The following CDH20 variants were observed in gnomAD, a reference collection of about 807,000 sequenced individuals.
The protein encoded by CDH20 is cadherin 20, also known as cadherin-20.
A neutral mutation model predicts 74.2 loss-of-function variants in CDH20; 29 were observed. The ratio of observed to expected loss-of-function variants is 0.39; its 90% CI spans 0.29 to 0.53. CDH20 has a LOEUF of 0.53. Among genes scored for constraint, CDH20 ranks in the 20% least tolerant of loss-of-function variants. CDH20 has a pLI of 0.69. For synonymous variants in CDH20, 469 were observed against 405.4 expected (o/e 1.16, Z -1.88); for missense variants, 988 against 1,048.3 (o/e 0.94, Z 0.79).
chr18:61,357,811 G>A (rs796987971), intron 1 of CDH20, among the ~76,000 whole-genome samples: 1 of 152,058 alleles, frequency 6.6e-6, no homozygotes, highest in South Asian at 2.1e-4. Context: ...AAGAGGGTAA[G>A]CAACTGGCAC....
chr18:61,400,116 G>A (rs1338739965), intron 1 of CDH20, among the ~76,000 whole-genome samples: 2 of 152,212 alleles, frequency 1.3e-5, no homozygotes, highest in South Asian at 2.1e-4. Flanking sequence ...GGAGCTGAAT[G>A]TGTTGCTGTA....
At chr18:61,435,156 A>G (rs1251539843) in intron 1 of CDH20, among the ~76,000 whole-genome samples, 1 of 152,070 alleles carries the variant, frequency 6.6e-6, no homozygotes, top group African/African-American at 2.4e-5. Flanking sequence ...ATTTCAGGGG[A>G]AAAAGAGTTA....
chr18:61,496,200 TC>T (rs1220272241), intron 2 of CDH20, among the ~76,000 whole-genome samples: 9 of 39,536 alleles, frequency 2.3e-4, no homozygotes, highest in Non-Finnish European at 4.0e-4. Context: ...TCCCTTCCTC[TC>T]CCCCCTCTAT....
rs1474870328 is a variant in CDH20, at chr18:61,554,907, A to T, written c.*212A>T. 3.6e-6 allele frequency: 5 copies of T among 1,375,766 alleles called. No individual in the cohort carries two copies. The highest frequency in any genetic ancestry group is 1.9e-6 in the Non-Finnish European group (2 of 1,066,576). 85.2% of individuals were successfully genotyped at this position (1,375,766 alleles called of 1,614,324 possible). On this transcript the variant is annotated 3_prime_UTR_variant, in exon 12 of 12. Transcript: ENST00000262717. The stretch of plus-strand genomic sequence containing the variant: ...CAGAAGGAAGAGGGCAGAATCTTTA[A>T]TTACCTTTTTTTCTTTTCTTTTTGA...
rs762120258 is a variant in CDH20, at chr18:61,550,181, A to G, written c.1852A>G (p.Ser618Gly). Residue 618 changes from serine to glycine, a missense_variant, in exon 11 of 12, where the codon AGC (serine) becomes GGC (glycine). Ser to Gly is a moderately conservative substitution (Grantham distance 56). Transcript: ENST00000262717. ...PEAYMLPVSL[S>G]RGALIAILAC... ...GGCCTACATGCTCCCAGTCAGTTTG[A>G]GCCGGGGCGCCCTCATTGCCATCCT... The G allele has an allele frequency of 6.2e-7, 1 of 1,614,074 alleles. No individual in the cohort carries two copies. Among genetic ancestry groups the G allele is most frequent in the East Asian group, 2.2e-5 (1 of 44,878 alleles).
rs561100203 is a variant in CDH20 at position 61,555,352 on chromosome 18, T to C, written c.*657T>C. 6 of 985,524 alleles carry C rather than the reference T, an allele frequency of 6.1e-6. No individual in the cohort carries two copies. The highest frequency in any genetic ancestry group is 1.1e-4 in the East Asian group (1 of 8,802). The allele number at this position is 985,524 out of a possible 1,614,324, so 61.0% of individuals were successfully genotyped here. ...AGTTTAGTGGCTGAACCAAGAGATG[T>C]TGGCATTACAGCTCATCCAACGCCA... On this transcript the variant is annotated 3_prime_UTR_variant, in exon 12 of 12. Transcript: ENST00000262717.
chr18:61,526,684 T>C (rs1378937114), intron 6 of CDH20, among the ~76,000 whole-genome samples: 4 of 152,080 alleles, frequency 2.6e-5, no homozygotes, highest in African/African-American at 9.7e-5. Flanking sequence ...TGGAGCACTG[T>C]ATTTATTTTG....
At chr18:61,438,919 G>C (rs187587934) in intron 1 of CDH20, among the ~76,000 whole-genome samples, 1 of 152,112 alleles carries the variant, frequency 6.6e-6, no homozygotes. Flanking sequence ...ATACTACCCA[G>C]CCATAAATAT....
At chr18:61,439,869 T>C (rs1430839142) in intron 1 of CDH20, among the ~76,000 whole-genome samples, 1 of 152,074 alleles carries the variant, frequency 6.6e-6, no homozygotes, top group East Asian at 1.9e-4. Context: ...AATGAAAACA[T>C]TTTTGGCATA....
In CDH20 at chr18:61,500,367, C is replaced by A. The variant is rs757072442; in HGVS notation, c.542-16C>A. 6.2e-7 allele frequency: 1 copy of A among 1,610,168 alleles called. No homozygotes were observed. The highest frequency in any genetic ancestry group is 8.5e-7 in the Non-Finnish European group (1 of 1,177,712). On this transcript the variant is annotated splice_polypyrimidine_tract_variant and intron_variant, in intron 3 of 11. Transcript: ENST00000262717. ...CTATTAGACTTGAACAGGTTTCTAC[C>A]TCTTCTCTTCCCCAGGTACCTCCGT...
intron 1 of CDH20, among the ~76,000 whole-genome samples, chr18:61,387,863 T>C (rs1396391757): frequency 6.6e-6 from 1 of 152,180 alleles, no homozygotes; most frequent in Non-Finnish European, 1.5e-5. Flanking sequence ...GCCCTGATTG[T>C]ATAGGGGCAA....
intron 1 of CDH20, among the ~76,000 whole-genome samples, chr18:61,424,205 C>CT (rs1284778208): frequency 6.6e-6 from 1 of 152,186 alleles, no homozygotes; most frequent in African/African-American, 2.4e-5. Context: ...ACATTTATGA[C>CT]TTTTTTGTGT....
chr18:61,414,363 A>G (rs547302357), intron 1 of CDH20, among the ~76,000 whole-genome samples: 1 of 152,316 alleles, frequency 6.6e-6, no homozygotes, highest in Non-Finnish European at 1.5e-5. Flanking sequence ...CATCTCAGCC[A>G]TGTGAATGTA....
intron 1 of CDH20, among the ~76,000 whole-genome samples, chr18:61,432,585 G>A (rs972143417): frequency 2.0e-5 from 3 of 152,142 alleles, no homozygotes; most frequent in African/African-American, 7.2e-5. Flanking sequence ...AACGTATAGA[G>A]GTCCCTTTCC....
intron 10 of CDH20, among the ~76,000 whole-genome samples, chr18:61,547,578 G>A (rs1913295254): frequency 6.6e-6 from 1 of 152,158 alleles, no homozygotes; most frequent in African/African-American, 2.4e-5. Flanking sequence ...CTTTAAGGAA[G>A]TTATTAATCC....
chr18:61,369,831 A>G (rs946599630), intron 1 of CDH20, among the ~76,000 whole-genome samples: 1 of 152,120 alleles, frequency 6.6e-6, no homozygotes, highest in African/African-American at 2.4e-5. Flanking sequence ...CAAATACCAC[A>G]TGTCCTCACT....
chr18:61,358,962 T>C lies in CDH20; in HGVS notation c.-153+25135T>C, dbSNP rs559739154. 8.5e-5 allele frequency among the ~76,000 whole-genome samples: 13 copies of C among 152,306 alleles called. 2 individuals are homozygous for C. The highest frequency in any genetic ancestry group is 3.1e-4 in the African/African-American group (13 of 41,570). ...CTGAGTGACTATATTCTGGGGTTTA[T>C]TATTCACAATTGGTCTCACAACCTT... On this transcript the variant is annotated intron_variant, in intron 1 of 11. Transcript: ENST00000262717.
intron 1 of CDH20, among the ~76,000 whole-genome samples, chr18:61,347,641 T>A (rs1910174690): frequency 6.6e-6 from 1 of 152,098 alleles, no homozygotes; most frequent in South Asian, 2.1e-4. Context: ...ATGCATTGTT[T>A]CAAATTCTAT....
chr18:61,377,957 C>G (rs1017353668), intron 1 of CDH20, among the ~76,000 whole-genome samples: 3 of 152,032 alleles, frequency 2.0e-5, no homozygotes, highest in African/African-American at 7.2e-5. Flanking sequence ...AGGGTCCACC[C>G]AAGCAGGAGA....
Sources: allele counts gnomAD v4.1 joint callset (sites outside exome capture counted in the v4.1 genomes callset), GRCh38; gene constraint gnomAD v4.1.1; transcripts MANE v1.5; gene names NCBI Gene and HGNC (gene_info 2026-07-23, HGNC 2026-07-21).